Variants in GFPT2 observed in about 807,000 individuals in gnomAD.
GFPT2 encodes the protein glutamine--fructose-6-phosphate transaminase 2.
In GFPT2, 62 loss-of-function variants were observed where a neutral mutation model predicts 85.6. That is an observed-to-expected ratio of 0.72 (90% CI 0.59 to 0.90). GFPT2 has a LOEUF of 0.90. Among genes scored for constraint, GFPT2 ranks in the 40% least tolerant of loss-of-function variants. GFPT2 has a pLI of 0.00. For missense variants in GFPT2, 788 were observed against 893.4 expected, an observed-to-expected ratio of 0.88 and a Z score of 1.50; for synonymous variants, 368 against 344.5, an observed-to-expected ratio of 1.07 and a Z score of -0.75.
chr5:180,315,224 C>T (rs1354121412), intron 13 of GFPT2, among the ~76,000 whole-genome samples: 2 of 151,478 alleles, frequency 1.3e-5, no homozygotes, highest in Admixed American at 6.6e-5. Context: ...GTCGCCCAGG[C>T]TGGAGTGCAG....
At chr5:180,353,166 C>G (rs1428960289) in intron 1 of GFPT2, 45 bp downstream of exon 1, 1 of 1,229,970 alleles carries the variant, frequency 8.1e-7, no homozygotes, top group East Asian at 3.2e-5. Context: ...CGCCGGGACC[C>G]GCGGACGGCG....
rs1010665192 is a variant in GFPT2, at chr5:180,323,069, A to G, written c.794+1119T>C. On this transcript the variant is annotated intron_variant, in intron 9 of 18. Transcript: ENST00000253778. This position sits in a 1 kb window ranked among gnomAD's most constrained non-coding sequence, Gnocchi z 4.0. ...AAAAATAAAAAAAGAAACATCTATC[A>G]TATTTCATTGAATATAAGTTACTAT... is the stretch of plus-strand genomic sequence containing the variant. Among the ~76,000 whole-genome samples the G allele has an allele frequency of 2.0e-5, 3 of 152,154 alleles. No individual in the cohort carries two copies. The highest frequency in any genetic ancestry group is 4.8e-5 in the African/African-American group (2 of 41,442).
intron 1 of GFPT2, among the ~76,000 whole-genome samples, chr5:180,345,909 C>A (rs906598084): frequency 6.6e-6 from 1 of 152,114 alleles, no homozygotes; most frequent in Non-Finnish European, 1.5e-5. Context: ...ACAATGGGAG[C>A]ACGGTGCCAC....
At chr5:180,321,987 C>T (rs1435230288) in intron 9 of GFPT2, among the ~76,000 whole-genome samples, 2 of 151,880 alleles carry the variant, frequency 1.3e-5, no homozygotes, top group African/African-American at 2.4e-5. Flanking sequence ...CCGGGTTTCA[C>T]CGTGTTGGCC....
At chr5:180,344,412 C>T (rs926994869) in intron 1 of GFPT2, among the ~76,000 whole-genome samples, 1 of 152,170 alleles carries the variant, frequency 6.6e-6, no homozygotes, top group Admixed American at 6.5e-5. Flanking sequence ...GTGATGAGTA[C>T]ATCACCATTA....
At position 180,312,157 on chromosome 5, in the gene GFPT2, GAGGACCAGGGAGGCA is replaced by G. The variant is rs1368226537; in HGVS notation, c.1546+258_1546+272del. ...TGAGGACCAGGGAGGCAGGGAGGCT[GAGGACCAGGGAGGCA>G]GGGAGGCTGAGGACCAGGGAGGCGG... On this transcript the variant is annotated intron_variant, in intron 15 of 18. Coordinates refer to ENST00000253778, the MANE Select transcript of GFPT2 (RefSeq NM_005110.4). Among the ~76,000 whole-genome samples the G allele has an allele frequency of 1.0e-4, 13 of 127,712 alleles. 2 individuals carry two copies. The highest frequency in any genetic ancestry group is 3.4e-4 in the African/African-American group (11 of 32,340). The allele number at this position is 127,712 out of a possible 152,430, so 83.8% of individuals were successfully genotyped here. A position where few individuals can be genotyped will look rare whatever the true frequency, so the allele number is the denominator to read the frequency against.
chr5:180,353,035 G>A, intron 1 of GFPT2, 176 bp downstream of exon 1: 1 of 436,628 alleles, frequency 2.3e-6, no homozygotes, highest in Non-Finnish European at 3.7e-6. Flanking sequence ...CTCGGGGAAC[G>A]CGGGTGAGGG....
chr5:180,302,215 A>G (rs1755673473), intron 18 of GFPT2, among the ~76,000 whole-genome samples: 1 of 150,638 alleles, frequency 6.6e-6, no homozygotes, highest in Non-Finnish European at 1.5e-5. Flanking sequence ...TGAACCCAGG[A>G]GGTGGAGCTT....
intron 8 of GFPT2, chr5:180,324,559 G>A (rs1021597451): frequency 1.0e-5 from 6 of 586,372 alleles, no homozygotes; most frequent in Admixed American, 3.1e-5. Flanking sequence ...CCCAGTTGCC[G>A]TTATACAATG....
At chr5:180,312,924 C>A (rs986530329) in intron 14 of GFPT2, among the ~76,000 whole-genome samples, 16 of 151,976 alleles carry the variant, frequency 1.1e-4, no homozygotes, top group Non-Finnish European at 1.9e-4. Flanking sequence ...TTACAGGCAC[C>A]CGCCACCACA....
chr5:180,339,639 C>T (rs544887332), intron 1 of GFPT2, among the ~76,000 whole-genome samples: 179 of 152,322 alleles, frequency 1.2e-3, no homozygotes, highest in African/African-American at 4.1e-3. Flanking sequence ...CTGCCCTGTG[C>T]ATGCCCCATC....
chr5:180,344,271 GCAGT>G (rs1318740737), intron 1 of GFPT2, among the ~76,000 whole-genome samples: 1 of 152,208 alleles, frequency 6.6e-6, no homozygotes, highest in Non-Finnish European at 1.5e-5. Context: ...CGCCCAGAGG[GCAGT>G]CAAAGGTAGC....
At chr5:180,304,412 A>G (rs554057629) in intron 17 of GFPT2, among the ~76,000 whole-genome samples, 51 of 152,262 alleles carry the variant, frequency 3.3e-4, no homozygotes, top group African/African-American at 1.2e-3. Context: ...CCCCTGCCCT[A>G]TGAGACCTGA....
intron 1 of GFPT2, among the ~76,000 whole-genome samples, chr5:180,344,375 C>T (rs774102576): frequency 6.6e-6 from 1 of 152,050 alleles, no homozygotes; most frequent in Non-Finnish European, 1.5e-5. Flanking sequence ...TGTGCCATGG[C>T]ACATGTGCCC....
intron 8 of GFPT2, 186 bp from the exon 9 acceptor site, chr5:180,324,491 G>A: frequency 1.7e-6 from 1 of 587,792 alleles, no homozygotes; most frequent in Non-Finnish European, 3.0e-6. Flanking sequence ...GCATTTAAAT[G>A]GCTACAGTGT....
chr5:180,348,035 T>C (rs1007752880), intron 1 of GFPT2, among the ~76,000 whole-genome samples: 3 of 152,036 alleles, frequency 2.0e-5, no homozygotes, highest in Non-Finnish European at 2.9e-5. Flanking sequence ...ACAGGACAGG[T>C]TGGCTCTGGA....
chr5:180,303,229 CA>C (rs5873683), intron 17 of GFPT2, among the ~76,000 whole-genome samples: 60,882 of 118,348 alleles, frequency 0.51, 13,262 homozygotes, highest in African/African-American at 0.64. Context: ...GACTCCGTCA[CA>C]AAAAAAAAAA....
rs539639698 is a variant in GFPT2 at position 180,319,744 on chromosome 5, T to C, written c.795-788A>G. On this transcript the variant is annotated intron_variant, in intron 9 of 18. Transcript: ENST00000253778. Reference sequence around the variant, plus strand: ...GAAGGACACACCACCAACTATGTAGTCTTGCCAAAAAAAATCAAACCTGAA... The same window carrying C: ...GAAGGACACACCACCAACTATGTAGCCTTGCCAAAAAAAATCAAACCTGAA... Among the ~76,000 whole-genome samples the C allele has an allele frequency of 2.0e-5, 3 of 152,156 alleles. No individual in the cohort carries two copies. The East Asian group carries it at 5.8e-4, about 29-fold the overall frequency.
intron 9 of GFPT2, among the ~76,000 whole-genome samples, chr5:180,320,255 G>T (rs2127651123): frequency 6.6e-6 from 1 of 152,206 alleles, no homozygotes; most frequent in African/African-American, 2.4e-5. Context: ...GCCTCCCAAA[G>T]TGCTGGGATT....
Sources: gnomAD v4.1 joint callset for allele counts (sites outside exome capture counted in the v4.1 genomes callset) on GRCh38, gnomAD v4.1.1 for gene constraint, Gnocchi (gnomAD v3.1) non-coding constraint, MANE v1.5 for transcripts, NCBI Gene and HGNC (gene_info 2026-07-23, HGNC 2026-07-21) for gene names.